Variants in MATN2 observed in about 807,000 individuals in gnomAD.
MATN2 encodes matrilin 2.
In MATN2, 69 loss-of-function variants were observed where a neutral mutation model predicts 103.2. That is an observed-to-expected ratio of 0.67 (90% CI 0.55 to 0.82). The LOEUF (loss-of-function observed/expected upper bound fraction) is 0.82, where lower values mean the gene tolerates loss of function less well. Ranked by LOEUF, MATN2 falls within the 40% of genes least tolerant of loss-of-function variation. MATN2 has a pLI of 0.00. For missense variants in MATN2, 1,023 were observed against 1,211.5 expected, an observed-to-expected ratio of 0.84 and a Z score of 2.31; for synonymous variants, 429 against 450.2, an observed-to-expected ratio of 0.95 and a Z score of 0.60.
rs567595959 is a variant in MATN2 at position 97,908,718 on chromosome 8, G to A, written c.142+20476G>A. ...GCAATCTCGGCTCACTGCAACCTCC[G>A]CCTCCTGGTTTCAAGTGATTTTCCT... On this transcript the variant is annotated intron_variant, in intron 2 of 18. Coordinates refer to ENST00000254898, the MANE Select transcript of MATN2 (RefSeq NM_002380.5). 6.3e-4 allele frequency among the ~76,000 whole-genome samples: 96 copies of A among 151,956 alleles called. No individual in the cohort carries two copies. In the South Asian group the frequency reaches 0.019, roughly 29 times the overall value.
intron 2 of MATN2, among the ~76,000 whole-genome samples, chr8:97,928,937 A>G (rs1249320674): frequency 6.6e-6 from 1 of 152,146 alleles, no homozygotes; most frequent in Non-Finnish European, 1.5e-5. Context: ...TTTCTCAAAA[A>G]CTTGTTCTGA....
chr8:98,003,948 A>G lies in MATN2; in HGVS notation c.1327+165A>G, dbSNP rs888940253. The G allele has an allele frequency of 2.7e-5, 21 of 771,924 alleles. No homozygotes were observed. The Admixed American group carries it at 4.7e-4, about 17-fold the overall frequency. 47.8% of individuals were successfully genotyped at this position (771,924 alleles called of 1,614,324 possible). A position where few individuals can be genotyped will look rare whatever the true frequency, so the allele number is the denominator to read the frequency against. On this transcript the variant is annotated intron_variant, in intron 8 of 18. Transcript: ENST00000254898. ...GTTTCATCACCCATAGAATGTGACTATTAATGCTATCGGCCTAGCCAACTT... is the reference window on the plus strand; with the variant it reads ...GTTTCATCACCCATAGAATGTGACTGTTAATGCTATCGGCCTAGCCAACTT...
chr8:98,014,896 G>C (rs773639433), intron 10 of MATN2, among the ~76,000 whole-genome samples: 3 of 152,096 alleles, frequency 2.0e-5, no homozygotes, highest in Non-Finnish European at 2.9e-5. Context: ...TAATAATTCC[G>C]ATTCATGTCC....
intron 2 of MATN2, among the ~76,000 whole-genome samples, chr8:97,929,039 G>A (rs969127711): frequency 2.6e-5 from 4 of 152,114 alleles, no homozygotes; most frequent in African/African-American, 9.7e-5. Context: ...ACTTTCTGGG[G>A]CCTCTGTTTT....
At position 98,007,927 on chromosome 8, in the gene MATN2, C is replaced by CCCCT. The variant is rs1412327007; in HGVS notation, c.1573+328_1573+331dup. Among the ~76,000 whole-genome samples the CCCCT allele has an allele frequency of 6.6e-6, 1 of 152,184 alleles. No homozygotes were observed. Among genetic ancestry groups the CCCCT allele is most frequent in the East Asian group, 1.9e-4 (1 of 5,198 alleles). Reference sequence around the variant, plus strand: ...GGCACATGAATAATAATAATGTGGACCCCTCACTGACTGCTAGCTGCATGC... The same window carrying CCCCT: ...GGCACATGAATAATAATAATGTGGACCCCTCCCTCACTGACTGCTAGCTGCATGC... On this transcript the variant is annotated intron_variant, in intron 10 of 18. Transcript: ENST00000254898. The surrounding 1 kb of genome is among the most constrained non-coding windows in gnomAD (Gnocchi z 4.2).
At chr8:97,901,285 C>T (rs1818972815) in intron 2 of MATN2, among the ~76,000 whole-genome samples, 1 of 151,474 alleles carries the variant, frequency 6.6e-6, no homozygotes, top group Non-Finnish European at 1.5e-5. Context: ...TGGAGTCTTG[C>T]TCTGTTGCCT....
chr8:97,969,324 C>T (rs939237977), intron 5 of MATN2, among the ~76,000 whole-genome samples: 1 of 152,214 alleles, frequency 6.6e-6, no homozygotes, highest in African/African-American at 2.4e-5. Context: ...TATCACTAAG[C>T]ACATATCTTT....
At chr8:97,872,083 A>G (rs1586361220) in intron 1 of MATN2, among the ~76,000 whole-genome samples, 3 of 152,284 alleles carry the variant, frequency 2.0e-5, no homozygotes, top group Middle Eastern at 6.8e-3. Context: ...TAAATGCTCA[A>G]TATTTGTTAG....
chr8:98,006,018 C>T (rs998271803), intron 8 of MATN2, among the ~76,000 whole-genome samples: 30 of 152,370 alleles, frequency 2.0e-4, no homozygotes, highest in Non-Finnish European at 3.5e-4. Context: ...ACCAGGCCTC[C>T]AGTGTCTGTC....
rs527360561 is a variant in MATN2 at position 97,887,920 on chromosome 8, C to T, written c.-26-155C>T. 6 of 624,654 alleles carry T rather than the reference C, an allele frequency of 9.6e-6. No individual in the cohort carries two copies. In the East Asian group the frequency reaches 1.9e-4, roughly 20 times the overall value. 38.7% of individuals were successfully genotyped at this position (624,654 alleles called of 1,614,324 possible). Reference sequence around the variant, plus strand: ...AAGAAGAGCCTACCAACGGGGGCTACTTAAGCTCTCAAAGGCCAAACACAC... The same window carrying T: ...AAGAAGAGCCTACCAACGGGGGCTATTTAAGCTCTCAAAGGCCAAACACAC... On this transcript the variant is annotated intron_variant, in intron 1 of 18. Transcript: ENST00000254898.
Position 97,994,538 on chromosome 8 carries a change from T to A in MATN2, c.1140T>A (p.Asp380Glu). The A allele has an allele frequency of 6.2e-7, 1 of 1,613,754 alleles. No homozygotes were observed. ...GTCAGCACGAGTGTGTTAACACAGA[T>A]GATTCCTATTCCTGCCACTGCCTGA... ...HGCQHECVNT[D>E]DSYSCHCLKG... Residue 380 changes from aspartate to glutamate, a missense_variant, in exon 7 of 19, where the codon GAT (aspartate) becomes GAA (glutamate). By Grantham distance (45) the Asp-to-Glu change is conservative. Transcript: ENST00000254898.
rs1554613598 is a variant in MATN2, at chr8:98,000,604, A to AAAAAAAAAAAAAAAAAAAAG, written c.1205-3051_1205-3050insAAAAAAAAAAAAAGAAAAAA. Among the ~76,000 whole-genome samples the AAAAAAAAAAAAAAAAAAAAG allele has an allele frequency of 1.5e-4, 19 of 127,206 alleles. 2 individuals carry two copies. Among genetic ancestry groups the AAAAAAAAAAAAAAAAAAAAG allele is most frequent in the African/African-American group, 2.1e-4 (7 of 33,686 alleles). 83.5% of individuals were successfully genotyped at this position (127,206 alleles called of 152,430 possible). A position where few individuals can be genotyped will look rare whatever the true frequency, so the allele number is the denominator to read the frequency against. On this transcript the variant is annotated intron_variant, in intron 7 of 18. Transcript: ENST00000254898. ...AGAGCGAGACTCCGTCTCAAAAAAA[A>AAAAAAAAAAAAAAAAAAAAG]AAAAAAGAAATATGGTTAACAATCA...
chr8:97,950,053 T>TG (rs998668468), intron 4 of MATN2, among the ~76,000 whole-genome samples: 2 of 151,816 alleles, frequency 1.3e-5, no homozygotes, highest in African/African-American at 2.4e-5. Context: ...TCAGGAAACT[T>TG]GGGGGGGTGA....
At chr8:97,989,728 C>G (rs12676252) in intron 6 of MATN2, among the ~76,000 whole-genome samples, 4 of 151,812 alleles carry the variant, frequency 2.6e-5, no homozygotes, top group Non-Finnish European at 5.9e-5. Context: ...AACAGATAAC[C>G]TGATCACCTG....
intron 13 of MATN2, among the ~76,000 whole-genome samples, chr8:98,026,020 A>G (rs1813786258): frequency 1.3e-5 from 2 of 151,670 alleles, no homozygotes; most frequent in Admixed American, 6.6e-5. Flanking sequence ...TCTACTAAAA[A>G]TACAAAAAAC....
intron 2 of MATN2, among the ~76,000 whole-genome samples, chr8:97,893,619 C>T (rs968443478): frequency 2.6e-5 from 4 of 151,186 alleles, no homozygotes; most frequent in African/African-American, 9.8e-5. Context: ...GCTGTGTCAC[C>T]AGGCTGGAGT....
intron 2 of MATN2, among the ~76,000 whole-genome samples, chr8:97,904,211 T>G (rs1229386898): frequency 1.3e-5 from 2 of 152,252 alleles, no homozygotes; most frequent in Non-Finnish European, 2.9e-5. Context: ...AATTTGTTCA[T>G]AAAACCATCT....
chr8:98,030,707 G>A, intron 15 of MATN2, 93 bp downstream of exon 15: 1 of 1,261,448 alleles, frequency 7.9e-7, no homozygotes, highest in Non-Finnish European at 1.1e-6. Flanking sequence ...CTGTCATCCA[G>A]GCTGGAGTGC....
Position 97,990,883 on chromosome 8 carries a change from C to T in MATN2, c.1082-3597C>T, listed in dbSNP as rs145924164. 2.6e-3 allele frequency among the ~76,000 whole-genome samples: 403 copies of T among 152,152 alleles called. 1 individual carries two copies. The highest frequency in any genetic ancestry group is 9.1e-3 in the African/African-American group (378 of 41,494). On this transcript the variant is annotated intron_variant, in intron 6 of 18. Transcript: ENST00000254898. Reference sequence around the variant, plus strand: ...TGGGGAAGAATGAATTAGCAAGAGACAGGAGGAAAGTTTTGAGAGTAATGC... The same window carrying T: ...TGGGGAAGAATGAATTAGCAAGAGATAGGAGGAAAGTTTTGAGAGTAATGC...
Sources: allele counts gnomAD v4.1 joint callset (sites outside exome capture counted in the v4.1 genomes callset), GRCh38; gene constraint gnomAD v4.1.1; non-coding constraint Gnocchi (gnomAD v3.1); transcripts MANE v1.5; gene names NCBI Gene and HGNC (gene_info 2026-07-23, HGNC 2026-07-21).